The following MAP4K5 variants were observed in gnomAD, a reference collection of about 807,000 sequenced individuals.
MAP4K5 encodes mitogen-activated protein kinase kinase kinase kinase 5.
A neutral mutation model predicts 135.6 loss-of-function variants in MAP4K5; 82 were observed. The ratio of observed to expected loss-of-function variants is 0.60; its 90% CI spans 0.51 to 0.73. The LOEUF is 0.73. Ranked by LOEUF, MAP4K5 falls within the 30% of genes least tolerant of loss-of-function variation. The probability of loss-of-function intolerance (pLI) is 0.00; values close to 1 mark genes in which losing one functional copy is unlikely to be tolerated. For synonymous variants in MAP4K5, 347 were observed against 335.0 expected (o/e 1.04, Z -0.39); for missense variants, 907 against 1,010.9 (o/e 0.90, Z 1.39).
rs188758340 is a variant in MAP4K5 at position 50,454,608 on chromosome 14, C to T, written c.1015+1908G>A. ...TTAATAAAGTGACCTTCTACTCTACCGCTTTGTCTGGTGCTTTAAGCAACC... is the reference window on the plus strand; with the variant it reads ...TTAATAAAGTGACCTTCTACTCTACTGCTTTGTCTGGTGCTTTAAGCAACC... On this transcript the variant is annotated intron_variant, in intron 14 of 32. Coordinates refer to ENST00000682126, the MANE Select transcript of MAP4K5 (RefSeq NM_006575.6). Among the ~76,000 whole-genome samples, 9 of 152,062 alleles carry T rather than the reference C, an allele frequency of 5.9e-5. No individual in the cohort carries two copies. The East Asian group carries it at 1.5e-3, about 26-fold the overall frequency.
At chr14:50,528,344 C>T (rs1023347036) in intron 2 of MAP4K5, among the ~76,000 whole-genome samples, 27 of 140,090 alleles carry the variant, frequency 1.9e-4, no homozygotes, top group South Asian at 1.1e-3. Context: ...AAGTAAATTA[C>T]GAAGAATCTC....
At chr14:50,471,386 T>A (rs1446114922) in intron 9 of MAP4K5, among the ~76,000 whole-genome samples, 1 of 152,174 alleles carries the variant, frequency 6.6e-6, no homozygotes, top group African/African-American at 2.4e-5. Flanking sequence ...AGGGGTTGCA[T>A]GCCCCTAGCC....
At chr14:50,525,258 T>C (rs2038238618) in intron 2 of MAP4K5, among the ~76,000 whole-genome samples, 2 of 152,166 alleles carry the variant, frequency 1.3e-5, no homozygotes, top group South Asian at 4.1e-4. Flanking sequence ...CTCCACATAT[T>C]TGGTATTTCC....
chr14:50,530,172 G>A (rs1265635838), intron 2 of MAP4K5, among the ~76,000 whole-genome samples: 2 of 152,170 alleles, frequency 1.3e-5, no homozygotes, highest in Non-Finnish European at 2.9e-5. Context: ...ATGTGTTAAG[G>A]GGTGAAGGTA....
chr14:50,545,193 T>C (rs2038615443), intron 1 of MAP4K5, among the ~76,000 whole-genome samples: 1 of 152,150 alleles, frequency 6.6e-6, no homozygotes, highest in African/African-American at 2.4e-5. Context: ...AGTTTAGAGA[T>C]GGAAAGTAGC....
Position 50,440,439 on chromosome 14 carries a change from G to C in MAP4K5, c.1567C>G (p.Gln523Glu), listed in dbSNP as rs746929720. ...TCTTCAGTTCCAAAAATAATGTACT[G>C]ATCTAAAATAGTTGAGATAAATCAC... ...TSWIHPDTKDQYIIFGTEDGI... is the reference protein window; with the variant it reads ...TSWIHPDTKDEYIIFGTEDGI... Residue 523 changes from glutamine (Q) to glutamate (E), a missense_variant and splice_region_variant, in exon 22 of 33, where the codon CAG becomes GAG. Around this residue, in one of 3 missense-constraint regions of MAP4K5, gnomAD observed 690 missense variants for 777.4 expected, o/e 0.89. Coordinates refer to ENST00000682126, the MANE Select transcript of MAP4K5 (RefSeq NM_006575.6). 1 of 1,521,646 alleles carries C rather than the reference G, an allele frequency of 6.6e-7. No homozygotes were observed. The highest frequency in any genetic ancestry group is 1.2e-5 in the South Asian group (1 of 81,336). 94.3% of individuals were successfully genotyped at this position (1,521,646 alleles called of 1,614,324 possible).
At chr14:50,436,883 T>TAGAA in intron 26 of MAP4K5, among the ~76,000 whole-genome samples, 1 of 152,208 alleles carries the variant, frequency 6.6e-6, no homozygotes, top group Non-Finnish European at 1.5e-5. Context: ...ATCTATATTC[T>TAGAA]GTCCCTGTTC....
chr14:50,531,214 T>G (rs1404884789), intron 2 of MAP4K5, among the ~76,000 whole-genome samples: 2 of 152,194 alleles, frequency 1.3e-5, no homozygotes, highest in African/African-American at 2.4e-5. Flanking sequence ...TTTTTTAAAA[T>G]CCTAAATTAG....
At chr14:50,505,297 A>G (rs2037787432) in intron 2 of MAP4K5, among the ~76,000 whole-genome samples, 1 of 152,146 alleles carries the variant, frequency 6.6e-6, no homozygotes, top group Non-Finnish European at 1.5e-5. Flanking sequence ...ACATATGTAT[A>G]TGCATGTGCA....
chr14:50,454,842 G>A (rs2036565775), intron 14 of MAP4K5, among the ~76,000 whole-genome samples: 1 of 151,682 alleles, frequency 6.6e-6, no homozygotes, highest in Admixed American at 6.6e-5. Context: ...GTTTATGTGG[G>A]GAAGAAGGCA....
intron 2 of MAP4K5, among the ~76,000 whole-genome samples, chr14:50,507,769 T>C (rs151051421): frequency 0.015 from 2,223 of 152,272 alleles, 39 homozygotes; most frequent in African/African-American, 0.05. Context: ...TATTTCCAAC[T>C]ATGTGGTCAG....
chr14:50,478,078 C>A (rs2037144468), intron 6 of MAP4K5, among the ~76,000 whole-genome samples: 1 of 152,130 alleles, frequency 6.6e-6, no homozygotes, highest in Non-Finnish European at 1.5e-5. Context: ...ATGGCATCAT[C>A]TGGCCCGGAG....
At chr14:50,537,255 C>T (rs1427876571), upstream of MAP4K5, among the ~76,000 whole-genome samples, 1 of 152,216 alleles carries the variant, frequency 6.6e-6, no homozygotes, top group Non-Finnish European at 1.5e-5. Context: ...CCAGCCTTGG[C>T]AGCTTCCACG....
At chr14:50,525,789 A>G (rs2038251629) in intron 2 of MAP4K5, among the ~76,000 whole-genome samples, 1 of 152,172 alleles carries the variant, frequency 6.6e-6, no homozygotes, top group Non-Finnish European at 1.5e-5. Flanking sequence ...GGGTCTAGTG[A>G]GCTGAGATCA....
At chr14:50,480,403 C>CT (rs11412178) in intron 6 of MAP4K5, among the ~76,000 whole-genome samples, 125,812 of 143,472 alleles carry the variant, frequency 0.88, 56,068 homozygotes, top group South Asian at 0.96. Flanking sequence ...CTCATTCTTT[C>CT]TTTTTTTTTT....
intron 12 of MAP4K5, among the ~76,000 whole-genome samples, chr14:50,463,678 G>A (rs1412727953): frequency 6.6e-6 from 1 of 152,060 alleles, no homozygotes; most frequent in Non-Finnish European, 1.5e-5. Flanking sequence ...GAGGTCAGGA[G>A]TTCAAGACCA....
At chr14:50,535,371 C>G (rs2038478444), upstream of MAP4K5, among the ~76,000 whole-genome samples, 1 of 152,180 alleles carries the variant, frequency 6.6e-6, no homozygotes, top group South Asian at 2.1e-4. Context: ...TGTGAAAGGA[C>G]AGAGCATAAG....
intron 3 of MAP4K5, among the ~76,000 whole-genome samples, chr14:50,489,560 C>T (rs148586020): frequency 6.6e-6 from 1 of 152,130 alleles, no homozygotes; most frequent in Admixed American, 6.5e-5. Flanking sequence ...AATTTTTCTT[C>T]CTGACTTTAC....
At chr14:50,496,611 T>G (rs528264104) in intron 3 of MAP4K5, among the ~76,000 whole-genome samples, 107 of 151,860 alleles carry the variant, frequency 7.0e-4, no homozygotes, top group African/African-American at 2.5e-3. Context: ...TGGGCTCAAG[T>G]GATCCTCCTG....
Sources: gnomAD v4.1 joint callset for allele counts (sites outside exome capture counted in the v4.1 genomes callset) on GRCh38, gnomAD v4.1.1 for gene constraint, gnomAD v4.1.1 regional missense constraint, MANE v1.5 for transcripts, NCBI Gene and HGNC (gene_info 2026-07-23, HGNC 2026-07-21) for gene names.